DDX60L: variants seen among roughly 807,000 people sequenced by gnomAD.
DDX60L encodes the protein DExD/H-box 60 like, also known as probable ATP-dependent RNA helicase DDX60-like.
In DDX60L, 191 loss-of-function variants were observed where a neutral mutation model predicts 211.6. The ratio of observed to expected loss-of-function variants is 0.90; its 90% CI spans 0.80 to 1.02. The LOEUF is 1.02. Ranked by LOEUF, DDX60L falls within the 50% of genes least tolerant of loss-of-function variation. The probability of loss-of-function intolerance (pLI) is 0.00; values close to 1 mark genes in which losing one functional copy is unlikely to be tolerated. For missense variants in DDX60L, 2,007 were observed against 1,984.1 expected (o/e 1.01, Z -0.22); for synonymous variants, 706 against 694.1 (o/e 1.02, Z -0.27).
intron 29 of DDX60L, among the ~76,000 whole-genome samples, chr4:168,388,901 C>T (rs1312358685): frequency 2.0e-5 from 3 of 152,136 alleles, no homozygotes; most frequent in Admixed American, 2.0e-4. Flanking sequence ...TACCAAGAGA[C>T]TGTGATAGCA....
chr4:168,360,516 C>T (rs1258904556), intron 37 of DDX60L, among the ~76,000 whole-genome samples: 1 of 152,178 alleles, frequency 6.6e-6, no homozygotes, highest in African/African-American at 2.4e-5. Context: ...TAAATATTCT[C>T]CTTCCAAAAC....
chr4:168,439,484 C>G (rs186789357), intron 10 of DDX60L, among the ~76,000 whole-genome samples: 1 of 151,894 alleles, frequency 6.6e-6, no homozygotes, highest in South Asian at 2.1e-4. Context: ...TTGGACTTGC[C>G]GAGCCAGTCC....
intron 7 of DDX60L, among the ~76,000 whole-genome samples, chr4:168,454,500 C>T (rs1756241748): frequency 2.0e-5 from 3 of 152,166 alleles, no homozygotes; most frequent in Admixed American, 6.6e-5. Context: ...ATCACCAATA[C>T]ACAGTAAGCC....
chr4:168,366,924 A>G (rs1429661660), intron 36 of DDX60L, among the ~76,000 whole-genome samples: 1 of 151,946 alleles, frequency 6.6e-6, no homozygotes, highest in East Asian at 1.9e-4. Flanking sequence ...TTAATATGTT[A>G]TGCCATTATA....
intron 13 of DDX60L, among the ~76,000 whole-genome samples, chr4:168,427,610 G>A (rs1441705151): frequency 1.3e-5 from 2 of 152,204 alleles, no homozygotes; most frequent in Non-Finnish European, 2.9e-5. Context: ...AAACAAAGAA[G>A]AGAAAGAGTA....
chr4:168,371,820 CA>C, intron 35 of DDX60L, 57 bp from the exon 36 acceptor site: 1 of 1,423,454 alleles, frequency 7.0e-7, no homozygotes, highest in Non-Finnish European at 9.5e-7. Context: ...TAACTGTTTG[CA>C]GTTTGAGATT....
At position 168,449,652 on chromosome 4, in the gene DDX60L, C is replaced by CAAAAAAAAAAAAAAAAAAA; in HGVS notation, c.997-874_997-873insTTTTTTTTTTTTTTTTTTT. 2.8e-3 allele frequency among the ~76,000 whole-genome samples: 22 copies of CAAAAAAAAAAAAAAAAAAA among 7,918 alleles called. 2 individuals carry two copies. Among genetic ancestry groups the CAAAAAAAAAAAAAAAAAAA allele is most frequent in the East Asian group, 0.01 (2 of 192 alleles). 5.2% of individuals were successfully genotyped at this position (7,918 alleles called of 152,430 possible). On this transcript the variant is annotated intron_variant, in intron 8 of 37. Coordinates refer to ENST00000682922, the MANE Select transcript of DDX60L (RefSeq NM_001012967.3). Reference sequence around the variant, plus strand: ...AACATTAAAACAAAAAAAAAAAATGCAAAAAAAAAAAAAGAAAAAAGAAAA... The same window carrying CAAAAAAAAAAAAAAAAAAA: ...AACATTAAAACAAAAAAAAAAAATGCAAAAAAAAAAAAAAAAAAAAAAAAAAAAAAAAGAAAAAAGAAAA...
intron 4 of DDX60L, among the ~76,000 whole-genome samples, chr4:168,467,445 CAAA>C (rs199648164): frequency 1.1e-4 from 12 of 109,102 alleles, no homozygotes; most frequent in African/African-American, 2.0e-4. Context: ...GTTTCCATTC[CAAA>C]AAAAAAAAAA....
intron 36 of DDX60L, among the ~76,000 whole-genome samples, chr4:168,367,855 G>C (rs966629613): frequency 6.6e-5 from 10 of 152,160 alleles, no homozygotes; most frequent in African/African-American, 2.4e-4. Flanking sequence ...CCCTGCCCTA[G>C]AGATTTATGG....
Position 168,423,727 on chromosome 4 carries a change from T to A in DDX60L, c.1978A>T (p.Ile660Phe), listed in dbSNP as rs1002725031. Residue 660 changes from isoleucine to phenylalanine, a missense_variant, in exon 15 of 38, where the codon ATT becomes TTT. Coordinates refer to ENST00000682922, the MANE Select transcript of DDX60L (RefSeq NM_001012967.3). Reference protein sequence around the residue: ...LSIAVQMMKRIHSLLERYPEI... With the variant: ...LSIAVQMMKRFHSLLERYPEI... ...GGGTATCTCTCCAGGAGTGAATGAA[T>A]CCTTTTCATCATTTGAACAGCTATA... 1 of 1,604,336 alleles carries A rather than the reference T, an allele frequency of 6.2e-7. No homozygotes were observed. The highest frequency in any genetic ancestry group is 8.5e-7 in the Non-Finnish European group (1 of 1,176,822).
intron 9 of DDX60L, among the ~76,000 whole-genome samples, chr4:168,443,375 T>C (rs1251991673): frequency 1.3e-5 from 2 of 151,954 alleles, no homozygotes; most frequent in Admixed American, 1.3e-4. Flanking sequence ...TATGGGACTA[T>C]GTGAAAAGAC....
intron 29 of DDX60L, among the ~76,000 whole-genome samples, chr4:168,386,221 G>A (rs1298156832): frequency 6.6e-6 from 1 of 152,058 alleles, no homozygotes; most frequent in Non-Finnish European, 1.5e-5. Context: ...TGGAAGCGGG[G>A]AATTCCAACC....
Position 168,453,202 on chromosome 4 carries a change from G to A in DDX60L, c.918C>T (p.His306=). ...LRCLCVAFQL[H]LPLSQRACSR... ...AACAAGCTCTCTGAGAAAGGGGTAA[G>A]TGGAGTTGAAAAGCCACACAGAGGC... Residue 306 remains histidine, a synonymous_variant, in exon 8 of 38, where the codon CAC becomes CAT. Transcript: ENST00000682922. The A allele has an allele frequency of 6.2e-7, 1 of 1,613,426 alleles. No individual in the cohort carries two copies. Among genetic ancestry groups the A allele is most frequent in the Non-Finnish European group, 8.5e-7 (1 of 1,179,568 alleles).
At chr4:168,379,917 T>C in intron 30 of DDX60L, 87 bp from the exon 31 acceptor site, 1 of 822,756 alleles carries the variant, frequency 1.2e-6, no homozygotes, top group Non-Finnish European at 1.9e-6. Context: ...ATACATACTA[T>C]ATAGATAAGG....
In DDX60L at chr4:168,421,928, C is replaced by A. The variant is rs374671297; in HGVS notation, c.2245-19G>T. ...GTTCCTGCTGCAGGGTACAAAGCAC[C>A]ATTTGTGTCAAGAAAGTGAACAGCA... On this transcript the variant is annotated intron_variant, in intron 16 of 37. Transcript: ENST00000682922. 28 of 1,613,826 alleles carry A rather than the reference C, an allele frequency of 1.7e-5. No homozygotes were observed. In the East Asian group the frequency reaches 3.8e-4, roughly 22 times the overall value.
At position 168,427,057 on chromosome 4, in the gene DDX60L, T is replaced by A. The variant is rs1579570693; in HGVS notation, c.1930+13A>T. 4.4e-6 allele frequency: 7 copies of A among 1,594,000 alleles called. No individual in the cohort carries two copies. In the East Asian group the frequency reaches 1.6e-4, roughly 36 times the overall value. ...ATCACTACTCTTTATCCATAGAGTA[T>A]GGAGTCCCATACCTTCACCTCGGCA... On this transcript the variant is annotated intron_variant, in intron 14 of 37. Coordinates refer to ENST00000682922, the MANE Select transcript of DDX60L (RefSeq NM_001012967.3).
intron 28 of DDX60L, among the ~76,000 whole-genome samples, chr4:168,393,866 G>T (rs1200100323): frequency 1.3e-5 from 2 of 152,106 alleles, no homozygotes; most frequent in Non-Finnish European, 2.9e-5. Flanking sequence ...GGACAAAATT[G>T]TAAGAACTGT....
intron 8 of DDX60L, 51 bp downstream of exon 8, chr4:168,453,073 C>T: frequency 6.6e-7 from 1 of 1,519,300 alleles, no homozygotes; most frequent in Non-Finnish European, 8.9e-7. Context: ...TAAAGGTGAT[C>T]ATGGTTTTCA....
chr4:168,419,022 C>A (rs562925604), intron 19 of DDX60L, among the ~76,000 whole-genome samples: 2 of 152,356 alleles, frequency 1.3e-5, no homozygotes, highest in East Asian at 3.9e-4. Flanking sequence ...CATAATGCTT[C>A]CCCCTCCCTT....
Sources: allele counts gnomAD v4.1 joint callset (sites outside exome capture counted in the v4.1 genomes callset), GRCh38; gene constraint gnomAD v4.1.1; transcripts MANE v1.5; gene names NCBI Gene and HGNC (gene_info 2026-07-23, HGNC 2026-07-21).